Variants in COTL1 observed in about 807,000 individuals in gnomAD.
COTL1 encodes coactosin-like protein.
Under a neutral mutation model 16.5 loss-of-function variants are expected in COTL1, and 15 were observed. The ratio of observed to expected loss-of-function variants is 0.91; its 90% CI spans 0.61 to 1.40. COTL1 has a LOEUF of 1.40. COTL1 is among the 40% of genes most tolerant of loss of function. The pLI is 0.00. For synonymous variants in COTL1, 112 were observed against 85.3 expected (o/e 1.31, Z -1.73); for missense variants, 220 against 201.5 (o/e 1.09, Z -0.56).
At position 84,566,303 on chromosome 16, in the gene COTL1, T is replaced by C. The variant is rs1458053700; in HGVS notation, c.*542A>G. On this transcript the variant is annotated 3_prime_UTR_variant, in exon 4 of 4. Coordinates refer to ENST00000262428, the MANE Select transcript of COTL1 (RefSeq NM_021149.5). Reference sequence around the variant, plus strand: ...GTGGGATGAGGGAGCCCGGGGCAGATACCAGGAGGTCTGGGCCTTAGTAGG... The same window carrying C: ...GTGGGATGAGGGAGCCCGGGGCAGACACCAGGAGGTCTGGGCCTTAGTAGG... 1 of 152,648 alleles carries C rather than the reference T, an allele frequency of 6.6e-6. No homozygotes were observed. Among genetic ancestry groups the C allele is most frequent in the Admixed American group, 6.5e-5 (1 of 15,268 alleles). 9.5% of individuals were successfully genotyped at this position (152,648 alleles called of 1,614,324 possible). A position where few individuals can be genotyped will look rare whatever the true frequency, so the allele number is the denominator to read the frequency against.
intron 2 of COTL1, among the ~76,000 whole-genome samples, chr16:84,608,052 A>AT (rs971749981): frequency 1.6e-4 from 25 of 152,240 alleles, no homozygotes; most frequent in Admixed American, 1.3e-3. Flanking sequence ...CCACTGGCAA[A>AT]TGCTGGAGGG....
intron 2 of COTL1, among the ~76,000 whole-genome samples, chr16:84,604,509 C>G (rs1475146487): frequency 6.6e-6 from 1 of 151,958 alleles, no homozygotes; most frequent in Non-Finnish European, 1.5e-5. Context: ...GGTGATGCAC[C>G]CCACTGAGCT....
intron 2 of COTL1, among the ~76,000 whole-genome samples, chr16:84,612,515 G>A (rs549119248): frequency 5.3e-5 from 8 of 152,200 alleles, no homozygotes; most frequent in Non-Finnish European, 1.2e-4. Flanking sequence ...GGGCGCGGTG[G>A]CTCACGCCTG....
rs531658415 is a variant in COTL1, at chr16:84,590,845, AG to A, written c.161-584del. On this transcript the variant is annotated intron_variant, in intron 2 of 3. Transcript: ENST00000262428. This position sits in a 1 kb window ranked among gnomAD's most constrained non-coding sequence, Gnocchi z 5.5. ...ACACTGTAGAGAGACAGGAGGGGCAAGGGGGGTGCTGGGTATGAAGAGGAAA... is the reference window on the plus strand; with the variant it reads ...ACACTGTAGAGAGACAGGAGGGGCAAGGGGGTGCTGGGTATGAAGAGGAAA... 1.6e-3 allele frequency among the ~76,000 whole-genome samples: 247 copies of A among 152,228 alleles called. No homozygotes were observed. The highest frequency in any genetic ancestry group is 2.6e-3 in the Non-Finnish European group (175 of 68,002).
chr16:84,569,552 G>C (rs745378727), intron 3 of COTL1, among the ~76,000 whole-genome samples: 1 of 152,074 alleles, frequency 6.6e-6, no homozygotes, highest in Non-Finnish European at 1.5e-5. Flanking sequence ...TGTGTGCCAG[G>C]AACAGCCTCA....
Position 84,618,056 on chromosome 16 carries a change from C to A in COTL1, c.-142G>T, listed in dbSNP as rs1470539162. The A allele has an allele frequency of 3.2e-5, 8 of 251,592 alleles. No individual in the cohort carries two copies. Among genetic ancestry groups the A allele is most frequent in the South Asian group, 1.4e-4 (1 of 7,202 alleles). The allele number at this position is 251,592 out of a possible 1,614,324, so 15.6% of individuals were successfully genotyped here. A position where few individuals can be genotyped will look rare whatever the true frequency, so the allele number is the denominator to read the frequency against. ...ACGGCTACGCGGCGCCTGCAAGCTG[C>A]GAGCGCGGCGGCGGCTTCCACTGCG... On this transcript the variant is annotated 5_prime_UTR_variant, in exon 1 of 4. Coordinates refer to ENST00000262428, the MANE Select transcript of COTL1 (RefSeq NM_021149.5).
chr16:84,582,008 T>C (rs12325428), intron 3 of COTL1, among the ~76,000 whole-genome samples: 52,312 of 133,098 alleles, frequency 0.39, 11,082 homozygotes, highest in African/African-American at 0.58. Flanking sequence ...TTTTTTGAGA[T>C]GGAGTCTTGC....
chr16:84,612,047 C>A (rs909957860), intron 2 of COTL1, among the ~76,000 whole-genome samples: 2 of 152,144 alleles, frequency 1.3e-5, no homozygotes, highest in South Asian at 2.1e-4. Context: ...CATCTCTCCC[C>A]CTTCCATCTT....
intron 3 of COTL1, among the ~76,000 whole-genome samples, chr16:84,580,956 C>T (rs1904574984): frequency 6.6e-6 from 1 of 152,186 alleles, no homozygotes; most frequent in South Asian, 2.1e-4. Flanking sequence ...GCCTGGCCAA[C>T]ATGGTGAAAC....
chr16:84,566,780 G>T lies in COTL1; in HGVS notation c.*65C>A. 1.8e-6 allele frequency: 2 copies of T among 1,133,634 alleles called. No homozygotes were observed. The highest frequency in any genetic ancestry group is 2.7e-6 in the Non-Finnish European group (2 of 753,232). The allele number at this position is 1,133,634 out of a possible 1,614,324, so 70.2% of individuals were successfully genotyped here. A position where few individuals can be genotyped will look rare whatever the true frequency, so the allele number is the denominator to read the frequency against. Reference sequence around the variant, plus strand: ...GCTGGTGGGCTAGTAGCTGAGGCCGGCGGTCCTCTCCCCCGGGGAGCAGGC... The same window carrying T: ...GCTGGTGGGCTAGTAGCTGAGGCCGTCGGTCCTCTCCCCCGGGGAGCAGGC... On this transcript the variant is annotated 3_prime_UTR_variant, in exon 4 of 4. Transcript: ENST00000262428.
intron 2 of COTL1, among the ~76,000 whole-genome samples, chr16:84,592,217 G>A (rs944201463): frequency 2.0e-5 from 3 of 152,222 alleles, no homozygotes; most frequent in Non-Finnish European, 2.9e-5. Context: ...AAAGTTCTGT[G>A]CCTCTTGAGG....
intron 2 of COTL1, among the ~76,000 whole-genome samples, chr16:84,604,769 A>ATC (rs572211261): frequency 5.9e-5 from 9 of 152,172 alleles, no homozygotes; most frequent in Admixed American, 2.0e-4. Context: ...GGCTCTTTGC[A>ATC]TCTCAAGCCA....
intron 2 of COTL1, among the ~76,000 whole-genome samples, chr16:84,594,117 T>C (rs916592575): frequency 3.9e-5 from 6 of 151,952 alleles, no homozygotes; most frequent in African/African-American, 1.4e-4. Context: ...TTCATTCCTT[T>C]TATGGCTGAA....
In COTL1 at chr16:84,615,853, T is replaced by TTGTGTGTGTGTGTGTG. The variant is rs112335989; in HGVS notation, c.160+1632_160+1647dup. On this transcript the variant is annotated intron_variant, in intron 2 of 3. Coordinates refer to ENST00000262428, the MANE Select transcript of COTL1 (RefSeq NM_021149.5). Reference sequence around the variant, plus strand: ...CAGCGCTCAAGGAGTAATTTTAGTTTTGTGTGTGTGTGTGTGTGTGTGTGC... The same window carrying TTGTGTGTGTGTGTGTG: ...CAGCGCTCAAGGAGTAATTTTAGTTTTGTGTGTGTGTGTGTGTGTGTGTGTGTGTGTGTGTGTGTGC... Among the ~76,000 whole-genome samples the TTGTGTGTGTGTGTGTG allele has an allele frequency of 1.9e-3, 292 of 149,806 alleles. 1 individual carries two copies. The highest frequency in any genetic ancestry group is 6.0e-3 in the African/African-American group (243 of 40,572).
intron 2 of COTL1, among the ~76,000 whole-genome samples, chr16:84,612,005 C>G (rs1196562298): frequency 6.6e-6 from 1 of 152,184 alleles, no homozygotes; most frequent in African/African-American, 2.4e-5. Flanking sequence ...CTGTGACCCT[C>G]CAGCCCAGCT....
chr16:84,617,711 G>A, intron 1 of COTL1, 127 bp downstream of exon 1: 2 of 1,374,226 alleles, frequency 1.5e-6, no homozygotes, highest in Middle Eastern at 1.8e-4. Context: ...CTGGCACGCC[G>A]TCCCGGAATA....
intron 2 of COTL1, among the ~76,000 whole-genome samples, chr16:84,597,068 G>A (rs1165396174): frequency 6.6e-6 from 1 of 152,232 alleles, no homozygotes; most frequent in Non-Finnish European, 1.5e-5. Flanking sequence ...AGATGAGGGT[G>A]CTTCATGCTC....
intron 3 of COTL1, among the ~76,000 whole-genome samples, chr16:84,585,353 C>CA (rs5818498): frequency 0.45 from 56,539 of 126,852 alleles, 12,522 homozygotes; most frequent in East Asian, 0.79. Flanking sequence ...AGATTGTCTC[C>CA]AAAAAAAAAA....
intron 3 of COTL1, among the ~76,000 whole-genome samples, chr16:84,570,555 G>A (rs1007731755): frequency 1.3e-5 from 2 of 150,170 alleles, no homozygotes; most frequent in African/African-American, 4.9e-5. Context: ...GCAGAAAAAT[G>A]ATTCCAAGTT....
Sources: allele counts gnomAD v4.1 joint callset (sites outside exome capture counted in the v4.1 genomes callset), GRCh38; gene constraint gnomAD v4.1.1; non-coding constraint Gnocchi (gnomAD v3.1); transcripts MANE v1.5; gene names NCBI Gene and HGNC (gene_info 2026-07-23, HGNC 2026-07-21).